Variants in TBCD observed in about 807,000 individuals in gnomAD.
The protein encoded by TBCD is tubulin-specific chaperone D.
In TBCD, 105 loss-of-function variants were observed where a neutral mutation model predicts 169.3. The ratio of observed to expected loss-of-function variants is 0.62; its 90% CI spans 0.53 to 0.73. The LOEUF (loss-of-function observed/expected upper bound fraction) is 0.73. Ranked by LOEUF, TBCD falls within the 30% of genes least tolerant of loss-of-function variation. The probability of loss-of-function intolerance (pLI) is 0.00; values close to 1 mark genes in which losing one functional copy is unlikely to be tolerated. For missense variants in TBCD, 1,444 were observed against 1,600.1 expected (o/e 0.90, Z 1.66); for synonymous variants, 700 against 643.9 (o/e 1.09, Z -1.32).
At chr17:82,821,553 C>T (rs1381353259) in intron 13 of TBCD, among the ~76,000 whole-genome samples, 1 of 152,214 alleles carries the variant, frequency 6.6e-6, no homozygotes, top group East Asian at 1.9e-4. Context: ...TTTCTCCTGC[C>T]TTCCCTCAAA....
rs1464813077 is a variant in TBCD, at chr17:82,840,947, C to A, written c.1318+26013C>A. Among the ~76,000 whole-genome samples, 3 of 100,176 alleles carry A rather than the reference C, an allele frequency of 3.0e-5. 1 individual carries two copies. 65.7% of individuals were successfully genotyped at this position (100,176 alleles called of 152,430 possible). On this transcript the variant is annotated intron_variant, in intron 13 of 38. Coordinates refer to ENST00000355528, the MANE Select transcript of TBCD (RefSeq NM_005993.5). The stretch of plus-strand genomic sequence containing the variant: ...ATAGGGACGAGCTGGCCAGGACAGA[C>A]AAACTGGTTTTTTTTTTTTTTTTTT...
In TBCD at chr17:82,930,627, A is replaced by G; in HGVS notation, c.3097A>G (p.Asn1033Asp). Residue 1033 changes from asparagine to aspartate, a missense_variant, in exon 33 of 39, where the codon AAC becomes GAC. Asn to Asp is a conservative substitution (Grantham distance 23). Coordinates refer to ENST00000355528, the MANE Select transcript of TBCD (RefSeq NM_005993.5). This position sits in a 1 kb window ranked among gnomAD's most constrained non-coding sequence, Gnocchi z 5.2. ...GACCCTTCTGCAGATCTTTGAGGAC[A>G]ACCTTCTGAATGAGAGGTGAGTGGT... The part of the protein sequence containing the change: ...SGTLLQIFED[N>D]LLNERVSVPL... The G allele has an allele frequency of 6.2e-7, 1 of 1,613,900 alleles. No homozygotes were observed. Among genetic ancestry groups the G allele is most frequent in the Non-Finnish European group, 8.5e-7 (1 of 1,179,846 alleles).
At chr17:82,887,572 G>C (rs574088747) in intron 15 of TBCD, among the ~76,000 whole-genome samples, 1 of 152,286 alleles carries the variant, frequency 6.6e-6, no homozygotes, top group Admixed American at 6.5e-5. Flanking sequence ...TTAAGCTGCT[G>C]TAAACATTCG....
At chr17:82,787,072 G>A (rs1320026679) in intron 7 of TBCD, among the ~76,000 whole-genome samples, 7 of 152,240 alleles carry the variant, frequency 4.6e-5, no homozygotes, top group Non-Finnish European at 7.4e-5. Context: ...CAAGTTCCAC[G>A]TTGAGGTGGA....
chr17:82,924,566 A>G (rs1402135404), intron 26 of TBCD, among the ~76,000 whole-genome samples: 1 of 152,208 alleles, frequency 6.6e-6, no homozygotes, highest in Non-Finnish European at 1.5e-5. Context: ...ATTATTAATC[A>G]CGTCAAAAGT....
chr17:82,880,640 G>A lies in TBCD; in HGVS notation c.1476-3505G>A, dbSNP rs527381787. ...CAGGGCAGGTAGCGGGTGGGCCTCC[G>A]TGGTGTTGGGAGGTGCTGGGCCCGG... On this transcript the variant is annotated intron_variant, in intron 14 of 38. Coordinates refer to ENST00000355528, the MANE Select transcript of TBCD (RefSeq NM_005993.5). The surrounding 1 kb of genome is among the most constrained non-coding windows in gnomAD (Gnocchi z 5.0). Among the ~76,000 whole-genome samples the A allele has an allele frequency of 3.9e-5, 6 of 152,292 alleles. No homozygotes were observed. The highest frequency in any genetic ancestry group is 9.6e-5 in the African/African-American group (4 of 41,566).
In TBCD at chr17:82,778,876, G is replaced by A. The variant is rs553547788; in HGVS notation, c.639-2713G>A. Reference sequence around the variant, plus strand: ...GGGGTTTCACCATAGTGGCCAGGGTGGTCTCAAACTCCTGACCTCAGGTGA... The same window carrying A: ...GGGGTTTCACCATAGTGGCCAGGGTAGTCTCAAACTCCTGACCTCAGGTGA... On this transcript the variant is annotated intron_variant, in intron 6 of 38. Coordinates refer to ENST00000355528, the MANE Select transcript of TBCD (RefSeq NM_005993.5). Among the ~76,000 whole-genome samples, 9 of 152,178 alleles carry A rather than the reference G, an allele frequency of 5.9e-5. 1 individual carries two copies. The highest frequency in any genetic ancestry group is 5.9e-4 in the Admixed American group (9 of 15,284).
chr17:82,938,048 G>C lies in TBCD; in HGVS notation c.3282-1G>C. ...CTGGAGCCATGTGCTGCTCCCGGCA[G>C]GTTCTGCGAGATGGTGCAGTTCCCC... On this transcript the variant is annotated splice_acceptor_variant, in intron 35 of 38. Coordinates refer to ENST00000355528, the MANE Select transcript of TBCD (RefSeq NM_005993.5). LOFTEE classifies it high-confidence loss of function. 1 of 1,613,052 alleles carries C rather than the reference G, an allele frequency of 6.2e-7. No homozygotes were observed. The highest frequency in any genetic ancestry group is 8.5e-7 in the Non-Finnish European group (1 of 1,179,774).
chr17:82,766,410 C>G, intron 4 of TBCD, 42 bp downstream of exon 4: 1 of 1,464,690 alleles, frequency 6.8e-7, no homozygotes, highest in South Asian at 1.2e-5. Context: ...GCCCTCCGTG[C>G]CTGTCCTTCC....
intron 34 of TBCD, among the ~76,000 whole-genome samples, chr17:82,933,602 T>C (rs2062389240): frequency 6.8e-6 from 1 of 146,806 alleles, no homozygotes; most frequent in East Asian, 2.0e-4. Context: ...GCGTGGTCTG[T>C]TTTTGGGGGC....
intron 23 of TBCD, among the ~76,000 whole-genome samples, chr17:82,916,986 G>A (rs980877568): frequency 7.9e-5 from 10 of 126,604 alleles, no homozygotes; most frequent in African/African-American, 2.9e-4. Context: ...CTCTGGTTTT[G>A]TCTTATTCAG....
chr17:82,779,472 C>G (rs2048807004), intron 6 of TBCD, among the ~76,000 whole-genome samples: 1 of 152,338 alleles, frequency 6.6e-6, no homozygotes, highest in South Asian at 2.1e-4. Flanking sequence ...ATTGTTCATG[C>G]TGAGCCCCTC....
intron 35 of TBCD, chr17:82,937,647 C>T (rs1658504788): frequency 1.7e-6 from 1 of 602,248 alleles, no homozygotes; most frequent in Non-Finnish European, 2.9e-6. Context: ...TGGTCAGGGG[C>T]TGCCTCCCCG....
chr17:82,859,906 G>T, intron 13 of TBCD: 1 of 984,854 alleles, frequency 1.0e-6, no homozygotes, highest in Non-Finnish European at 1.2e-6. Context: ...TTGTCATTGT[G>T]CACTGGTGAC....
chr17:82,752,804 T>C (rs2047180568), intron 1 of TBCD, among the ~76,000 whole-genome samples: 1 of 152,160 alleles, frequency 6.6e-6, no homozygotes, highest in Non-Finnish European at 1.5e-5. Context: ...GAGCGCGGTT[T>C]CTGTGAATGT....
At chr17:82,855,600 T>C (rs569344182) in intron 13 of TBCD, among the ~76,000 whole-genome samples, 53 of 152,228 alleles carry the variant, frequency 3.5e-4, no homozygotes, top group African/African-American at 1.1e-3. Context: ...ATTTCTCTCT[T>C]TCTGTGTGTA....
Position 82,884,059 on chromosome 17 carries a change from TGAGA to T in TBCD, c.1476-83_1476-80del, listed in dbSNP as rs2058561335. 1 of 1,351,294 alleles carries T rather than the reference TGAGA, an allele frequency of 7.4e-7. No homozygotes were observed. The highest frequency in any genetic ancestry group is 2.0e-5 in the Admixed American group (1 of 50,334). The allele number at this position is 1,351,294 out of a possible 1,614,324, so 83.7% of individuals were successfully genotyped here. A position where few individuals can be genotyped will look rare whatever the true frequency, so the allele number is the denominator to read the frequency against. The stretch of plus-strand genomic sequence containing the variant: ...CTGAACCTCAAGTGGGCCTGAGTCG[TGAGA>T]GAAAGGCTTTCTCATCGATACTGTG... On this transcript the variant is annotated intron_variant, in intron 14 of 38. Transcript: ENST00000355528. This position sits in a 1 kb window ranked among gnomAD's most constrained non-coding sequence, Gnocchi z 4.2.
chr17:82,794,888 G>C (rs2049991715), intron 7 of TBCD, among the ~76,000 whole-genome samples: 1 of 152,226 alleles, frequency 6.6e-6, no homozygotes, highest in Non-Finnish European at 1.5e-5. Context: ...AGAGAAGTGT[G>C]AGGAGAAAAA....
Position 82,901,259 on chromosome 17 carries a change from T to TG in TBCD, c.1730+529dup, listed in dbSNP as rs1194370937. On this transcript the variant is annotated intron_variant, in intron 18 of 38. Coordinates refer to ENST00000355528, the MANE Select transcript of TBCD (RefSeq NM_005993.5). Reference sequence around the variant, plus strand: ...GAGCATAAACAGCGCGTTAGTGCTGTGACCGCCGCCCTGAGGAGGTCAGAG... The same window carrying TG: ...GAGCATAAACAGCGCGTTAGTGCTGTGGACCGCCGCCCTGAGGAGGTCAGAG... Among the ~76,000 whole-genome samples the TG allele has an allele frequency of 2.0e-5, 3 of 152,246 alleles. No individual in the cohort carries two copies. In the East Asian group the frequency reaches 5.8e-4, roughly 29 times the overall value.
Sources: gnomAD v4.1 joint callset for allele counts (sites outside exome capture counted in the v4.1 genomes callset) on GRCh38, gnomAD v4.1.1 for gene constraint, Gnocchi (gnomAD v3.1) non-coding constraint, MANE v1.5 for transcripts, NCBI Gene and HGNC (gene_info 2026-07-23, HGNC 2026-07-21) for gene names.